The following KATNAL1 variants were observed in gnomAD, a reference collection of about 807,000 sequenced individuals.
KATNAL1 encodes katanin catalytic subunit A1 like 1, also known as katanin p60 ATPase-containing subunit A-like 1.
KATNAL1 carries 32 observed loss-of-function variants against 55.2 expected under a neutral mutation model. The observed-to-expected ratio is 0.58, with a 90% CI of 0.44 to 0.78. The LOEUF is 0.78. Ranked by LOEUF, KATNAL1 falls within the 30% of genes least tolerant of loss-of-function variation. The pLI, the probability that KATNAL1 is intolerant of heterozygous loss-of-function variation, is 0.00. For synonymous variants in KATNAL1, 193 were observed against 193.6 expected (o/e 1.00, Z 0.02); for missense variants, 466 against 600.9 (o/e 0.78, Z 2.35).
At chr13:30,211,800 C>T (rs1186326971) in intron 9 of KATNAL1, among the ~76,000 whole-genome samples, 2 of 152,326 alleles carry the variant, frequency 1.3e-5, no homozygotes. Context: ...GAAAGAAATG[C>T]TCTATCAGAT....
chr13:30,249,860 T>A (rs990683283), intron 4 of KATNAL1, among the ~76,000 whole-genome samples: 11 of 152,208 alleles, frequency 7.2e-5, no homozygotes, highest in African/African-American at 2.4e-4. Flanking sequence ...TCTTACTAGT[T>A]TTTGAGAGCC....
intron 1 of KATNAL1, among the ~76,000 whole-genome samples, chr13:30,284,704 T>C (rs139480518): frequency 2.6e-5 from 4 of 152,314 alleles, no homozygotes; most frequent in Non-Finnish European, 5.9e-5. Context: ...TATATCTTTT[T>C]GGCCATGCAA....
chr13:30,306,457 G>A (rs573067536), intron 1 of KATNAL1, among the ~76,000 whole-genome samples: 3 of 152,102 alleles, frequency 2.0e-5, no homozygotes, highest in African/African-American at 7.2e-5. Flanking sequence ...CTGGCAAGGG[G>A]GGGGTGGGGT....
chr13:30,292,702 C>CT (rs111694495), intron 1 of KATNAL1, among the ~76,000 whole-genome samples: 7,821 of 152,126 alleles, frequency 0.051, 216 homozygotes, highest in South Asian at 0.077. Context: ...ATGTCTTTCT[C>CT]TTTCTTTTTT....
Position 30,227,076 on chromosome 13 carries a change from A to AAAAT in KATNAL1, c.1147+332_1147+335dup, listed in dbSNP as rs545503363. ...GGGCAACAGAATAAGACTGTGTCAC[A>AAAAT]AAATAAATAAATAAATATGTGTACA... On this transcript the variant is annotated intron_variant, in intron 9 of 10. Transcript: ENST00000380615. Among the ~76,000 whole-genome samples, 305 of 144,116 alleles carry AAAAT rather than the reference A, an allele frequency of 2.1e-3. 1 individual carries two copies. Among genetic ancestry groups the AAAAT allele is most frequent in the Non-Finnish European group, 3.5e-3 (230 of 66,608 alleles). 94.5% of individuals were successfully genotyped at this position (144,116 alleles called of 152,430 possible).
At chr13:30,303,265 A>AT (rs530617949) in intron 1 of KATNAL1, among the ~76,000 whole-genome samples, 20 of 152,190 alleles carry the variant, frequency 1.3e-4, no homozygotes, top group South Asian at 4.2e-4. Context: ...AAACTACTCC[A>AT]TTTTTTTTAA....
chr13:30,220,299 A>G (rs1157630364), intron 9 of KATNAL1, among the ~76,000 whole-genome samples: 1 of 152,106 alleles, frequency 6.6e-6, no homozygotes, highest in Non-Finnish European at 1.5e-5. Flanking sequence ...CGTCTCTACT[A>G]AAAATACCAA....
rs1163136932 is a variant in KATNAL1, at chr13:30,240,451, A to T, written c.726+9T>A. The T allele has an allele frequency of 3.2e-6, 5 of 1,581,764 alleles. No homozygotes were observed. Among genetic ancestry groups the T allele is most frequent in the Non-Finnish European group, 4.3e-6 (5 of 1,151,496 alleles). ...TTCTTATATCAAAACCAATTTAATA[A>T]ATTCTCACCTTCCATGGCCTTCTAA... is the stretch of plus-strand genomic sequence containing the variant. On this transcript the variant is annotated intron_variant, in intron 6 of 10. Transcript: ENST00000380615.
chr13:30,302,798 T>C (rs1036272959), intron 1 of KATNAL1, among the ~76,000 whole-genome samples: 2 of 152,218 alleles, frequency 1.3e-5, no homozygotes, highest in African/African-American at 2.4e-5. Context: ...GTATCATGTA[T>C]CATTTGGTGC....
At chr13:30,251,783 G>T (rs1878344678) in intron 4 of KATNAL1, among the ~76,000 whole-genome samples, 1 of 152,204 alleles carries the variant, frequency 6.6e-6, no homozygotes, top group African/African-American at 2.4e-5. Flanking sequence ...CTAGCACCTA[G>T]AAGTATTACT....
intron 4 of KATNAL1, among the ~76,000 whole-genome samples, chr13:30,253,647 A>G (rs184107260): frequency 1.8e-3 from 236 of 134,520 alleles, no homozygotes; most frequent in Middle Eastern, 6.8e-3. Context: ...CCTGGGCAAG[A>G]GCGAGACTCC....
rs1566122334 is a variant in KATNAL1 at position 30,274,894 on chromosome 13, C to CGT, written c.323+5168_323+5169insAC. Among the ~76,000 whole-genome samples, 28 of 93,284 alleles carry CGT rather than the reference C, an allele frequency of 3.0e-4. No homozygotes were observed. The South Asian group carries it at 3.3e-3, about 11-fold the overall frequency. 61.2% of individuals were successfully genotyped at this position (93,284 alleles called of 152,430 possible). A position where few individuals can be genotyped will look rare whatever the true frequency, so the allele number is the denominator to read the frequency against. On this transcript the variant is annotated intron_variant, in intron 3 of 10. Transcript: ENST00000380615. ...GGCGGGGTGTGTGCACACACATACGCGCGCGCGCGCGCGCACACACACACA... is the reference window on the plus strand; with the variant it reads ...GGCGGGGTGTGTGCACACACATACGCGTGCGCGCGCGCGCGCACACACACACA...
chr13:30,210,485 C>T (rs757042026), intron 9 of KATNAL1, 43 bp from the exon 10 acceptor site: 21 of 1,558,136 alleles, frequency 1.3e-5, no homozygotes, highest in East Asian at 2.3e-5. Flanking sequence ...TTTTACTTTA[C>T]AAATAATTTT....
chr13:30,210,566 T>G, intron 9 of KATNAL1, 124 bp from the exon 10 acceptor site: 1 of 688,826 alleles, frequency 1.5e-6, no homozygotes. Flanking sequence ...TAACTGTGTG[T>G]CCATTAGTAT....
intron 1 of KATNAL1, among the ~76,000 whole-genome samples, chr13:30,301,618 T>C (rs1426121509): frequency 6.6e-6 from 1 of 152,174 alleles, no homozygotes; most frequent in East Asian, 1.9e-4. Flanking sequence ...AGAGCCTGGA[T>C]TTGAACCCAG....
At chr13:30,287,166 G>A (rs1169114940) in intron 1 of KATNAL1, among the ~76,000 whole-genome samples, 1 of 152,168 alleles carries the variant, frequency 6.6e-6, no homozygotes, top group African/African-American at 2.4e-5. Context: ...GGAATGATTT[G>A]CAATGTGAGG....
At chr13:30,280,497 T>C (rs1348803166) in intron 2 of KATNAL1, among the ~76,000 whole-genome samples, 1 of 152,170 alleles carries the variant, frequency 6.6e-6, no homozygotes, top group Non-Finnish European at 1.5e-5. Flanking sequence ...TGATCATTAA[T>C]ACAATTTAAA....
chr13:30,236,024 AGT>A (rs2137410204), intron 6 of KATNAL1, among the ~76,000 whole-genome samples: 1 of 152,326 alleles, frequency 6.6e-6, no homozygotes, highest in African/African-American at 2.4e-5. Context: ...ATTAAATGGA[AGT>A]GTATCACCTT....
At chr13:30,274,901 G>GCACACACA (rs1375758994) in intron 3 of KATNAL1, among the ~76,000 whole-genome samples, 3 of 111,406 alleles carry the variant, frequency 2.7e-5, no homozygotes, top group South Asian at 2.9e-4. Context: ...ACGCGCGCGC[G>GCACACACA]CGCGCGCACA....
Sources: gnomAD v4.1 joint callset for allele counts (sites outside exome capture counted in the v4.1 genomes callset) on GRCh38, gnomAD v4.1.1 for gene constraint, MANE v1.5 for transcripts, NCBI Gene and HGNC (gene_info 2026-07-23, HGNC 2026-07-21) for gene names.